Variants in DMD observed in about 807,000 individuals in gnomAD.
DMD encodes the protein mutant dystrophin.
In DMD, 63 loss-of-function variants were observed where a neutral mutation model predicts 330.1. The ratio of observed to expected loss-of-function variants is 0.19; its 90% confidence interval spans 0.16 to 0.24. The LOEUF (loss-of-function observed/expected upper bound fraction) is 0.24. DMD is among the 10% of genes least tolerant of loss of function. The pLI is 1.00. For synonymous variants in DMD, 1,223 were observed against 959.8 expected, an observed-to-expected ratio of 1.27 and a Z score of -5.07; for missense variants, 3,344 against 2,684.1, an observed-to-expected ratio of 1.25 and a Z score of -5.43.
chrX:31,437,403 T>C (rs2064610678), intron 60 of DMD, among the ~76,000 whole-genome samples: 1 of 111,695 alleles, frequency 9.0e-6, no homozygotes, highest in African/African-American at 3.2e-5. Context: ...GGGAGCATGA[T>C]AGAAATGCAG....
At chrX:32,633,674 C>G (rs2058897141) in intron 11 of DMD, among the ~76,000 whole-genome samples, 1 of 111,988 alleles carries the variant, frequency 8.9e-6, no homozygotes, top group Non-Finnish European at 1.9e-5. Context: ...GCTTAATTGG[C>G]TCACAGTTCT....
At chrX:32,718,091 C>T (rs1373811933) in intron 7 of DMD, among the ~76,000 whole-genome samples, 1 of 111,022 alleles carries the variant, frequency 9.0e-6, no homozygotes, top group South Asian at 3.8e-4. Context: ...TGAGTTAAGA[C>T]TTTGGGGAAC....
At chrX:32,427,945 T>C (rs987920920) in intron 29 of DMD, among the ~76,000 whole-genome samples, 5 of 111,504 alleles carry the variant, frequency 4.5e-5, no homozygotes, top group Non-Finnish European at 9.4e-5. Context: ...ATTATAACTG[T>C]AGTTATAACA....
At chrX:33,009,172 GTGTATATATACGTATATATGTA>G (rs2093507030) in intron 2 of DMD, among the ~76,000 whole-genome samples, 1 of 31,070 alleles carries the variant, frequency 3.2e-5, no homozygotes, top group Non-Finnish European at 5.8e-5. Context: ...GTATATATAT[GTGTATATATACGTATATATGTA>G]TATATGTGTA....
intron 45 of DMD, among the ~76,000 whole-genome samples, chrX:31,949,945 G>T (rs780905279): frequency 1.3e-3 from 145 of 109,032 alleles, no homozygotes; most frequent in African/African-American, 4.6e-3. Flanking sequence ...TATTTTCAAA[G>T]ATTAATGTAT....
intron 60 of DMD, among the ~76,000 whole-genome samples, chrX:31,406,564 A>C (rs1351932429): frequency 9.0e-6 from 1 of 111,499 alleles, no homozygotes; most frequent in African/African-American, 3.3e-5. Flanking sequence ...TAATAATAAT[A>C]ACAGTAAAGA....
At chrX:33,122,161 G>T (rs1200848641) in intron 1 of DMD, among the ~76,000 whole-genome samples, 1 of 112,055 alleles carries the variant, frequency 8.9e-6, no homozygotes, top group Non-Finnish European at 1.9e-5. Context: ...GGAGGTGGAG[G>T]TTGCAGGGAG....
At chrX:32,823,453 T>C in intron 4 of DMD, 66 bp from the exon 5 acceptor site, 1 of 751,635 alleles carries the variant, frequency 1.3e-6, no homozygotes, top group South Asian at 2.2e-5. Context: ...ATAATAATAA[T>C]AATAAAAACG....
chrX:32,768,432 C>T (rs1175487122), intron 7 of DMD, among the ~76,000 whole-genome samples: 3 of 111,879 alleles, frequency 2.7e-5, no homozygotes, highest in Non-Finnish European at 5.6e-5. Flanking sequence ...AATTTTGTCA[C>T]CAAGACAAGT....
rs183456840 is a variant in DMD at position 33,260,238 on chromosome X, T to G, written c.7+79021A>C. ...GGTCAGCATTTGATGTTGTCAGTGTTTTGGATTTTGGCCATTCTAAGAGGT... is the reference window on the plus strand; with the variant it reads ...GGTCAGCATTTGATGTTGTCAGTGTGTTGGATTTTGGCCATTCTAAGAGGT... On this transcript the variant is annotated intron_variant, in intron 1 of 17. Coordinates refer to the DMD transcript ENST00000288447. 3.6e-3 allele frequency among the ~76,000 whole-genome samples: 399 copies of G among 111,628 alleles called. 2 individuals carry two copies. The highest frequency in any genetic ancestry group is 0.012 in the African/African-American group (365 of 30,816).
At chrX:32,807,134 A>T (rs1368901411) in intron 7 of DMD, among the ~76,000 whole-genome samples, 3 of 103,950 alleles carry the variant, frequency 2.9e-5, no homozygotes, top group Admixed American at 2.1e-4. Context: ...AAAAAAAAAA[A>T]AAAAAAAAAA....
intron 55 of DMD, among the ~76,000 whole-genome samples, chrX:31,549,521 G>A (rs1340989478): frequency 8.9e-6 from 1 of 111,789 alleles, no homozygotes; most frequent in East Asian, 2.8e-4. Flanking sequence ...TATGTGCTAG[G>A]TTTCCCAAAT....
intron 43 of DMD, among the ~76,000 whole-genome samples, chrX:32,284,379 T>A (rs760000944): frequency 9.8e-5 from 11 of 111,801 alleles, no homozygotes; most frequent in Admixed American, 1.9e-4. Flanking sequence ...GTTGTGCCTT[T>A]TCTCTCCAAG....
At chrX:32,411,622 A>T in intron 30 of DMD, 130 bp downstream of exon 30, 4 of 742,846 alleles carry the variant, frequency 5.4e-6, no homozygotes, top group Non-Finnish European at 8.1e-6. Context: ...CTACCTCCAA[A>T]TAGTCAAATC....
At chrX:32,709,190 G>A (rs974079128) in intron 7 of DMD, among the ~76,000 whole-genome samples, 6 of 111,682 alleles carry the variant, frequency 5.4e-5, no homozygotes, top group African/African-American at 2.0e-4. Flanking sequence ...ATCCATGGAT[G>A]TCAAGTAATT....
chrX:31,467,422 T>A (rs1437788213), intron 59 of DMD, among the ~76,000 whole-genome samples: 1 of 111,765 alleles, frequency 8.9e-6, no homozygotes, highest in Non-Finnish European at 1.9e-5. Flanking sequence ...ATTGAGATAA[T>A]CATGTGGTTT....
rs182802994 is a variant in DMD, at chrX:32,917,448, C to T, written c.94-67628G>A. Among the ~76,000 whole-genome samples the T allele has an allele frequency of 5.4e-5, 6 of 111,552 alleles. No individual in the cohort carries two copies. The East Asian group carries it at 1.7e-3, about 31-fold the overall frequency. ...ACTATATATCTTAGATATTTTGGAA[C>T]CACCACCACCACACATCACACACAA... On this transcript the variant is annotated intron_variant, in intron 2 of 78. Transcript: ENST00000357033.
intron 60 of DMD, among the ~76,000 whole-genome samples, chrX:31,360,451 G>T (rs1377813565): frequency 8.9e-6 from 1 of 111,936 alleles, no homozygotes; most frequent in African/African-American, 3.2e-5. Flanking sequence ...CGCAGTTTTT[G>T]CCATTGAAGG....
At chrX:31,253,708 A>C (rs1275344031) in intron 63 of DMD, among the ~76,000 whole-genome samples, 1 of 111,804 alleles carries the variant, frequency 8.9e-6, no homozygotes, top group East Asian at 2.8e-4. Flanking sequence ...TAGTTCTCCT[A>C]ACTAGAACTG....
Sources: allele counts gnomAD v4.1 joint callset (sites outside exome capture counted in the v4.1 genomes callset), GRCh38; gene constraint gnomAD v4.1.1; transcripts MANE v1.5; gene names NCBI Gene and HGNC (gene_info 2026-07-23, HGNC 2026-07-21).